The following PLA2G10 variants were observed in gnomAD, a reference collection of about 807,000 sequenced individuals.
PLA2G10 encodes the protein group 10 secretory phospholipase A2.
PLA2G10 carries 9 observed loss-of-function variants against 7.9 expected under a neutral mutation model. That is an observed-to-expected ratio of 1.14 (90% CI 0.68 to 1.98). The LOEUF (loss-of-function observed/expected upper bound fraction) is 1.98. PLA2G10 is among the 30% of genes most tolerant of loss of function. The pLI is 0.00. For missense variants in PLA2G10, 53 were observed against 65.4 expected (o/e 0.81, Z 0.66); for synonymous variants, 19 against 27.5 (o/e 0.69, Z 0.97).
chr16:14,679,262 G>A (rs1205937297), intron 3 of PLA2G10, among the ~76,000 whole-genome samples: 1 of 152,118 alleles, frequency 6.6e-6, no homozygotes, highest in Non-Finnish European at 1.5e-5. Context: ...GGCTGAGCAT[G>A]GTGGCTTAGG....
intron 3 of PLA2G10, among the ~76,000 whole-genome samples, chr16:14,673,653 G>A (rs950680544): frequency 6.6e-6 from 1 of 152,120 alleles, no homozygotes; most frequent in African/African-American, 2.4e-5. Context: ...ACAGGCACGA[G>A]CCACCACTCT....
Position 14,672,708 on chromosome 16 carries a change from C to T in PLA2G10, c.397G>A (p.Asp133Asn). 1 of 1,614,066 alleles carries T rather than the reference C, an allele frequency of 6.2e-7. No homozygotes were observed. The highest frequency in any genetic ancestry group is 1.3e-5 in the African/African-American group (1 of 75,030). The change falls in exon 4 of 4, where the codon GAC (aspartate) becomes AAC (asparagine). Residue 133 changes from aspartate to asparagine, a missense_variant. Physicochemically the swap from Asp to Asn is conservative, Grantham distance 23 (BLOSUM62 1). This residue lies in a region of PLA2G10 where 48 missense variants were observed against 47.0 expected (regional missense o/e 1.02). Coordinates refer to ENST00000438167, the MANE Select transcript of PLA2G10 (RefSeq NM_003561.3). ...GCTAAGCAGTTAGCAATCTCCTGGT[C>T]ACACTTGCACAACAGTTCTTGGCAT... Reference protein sequence around the residue: ...NKCQELLCKCDQEIANCLAQT... With the variant: ...NKCQELLCKCNQEIANCLAQT...
chr16:14,688,046 G>A (rs1327496230), intron 3 of PLA2G10, 119 bp downstream of exon 3: 2 of 551,880 alleles, frequency 3.6e-6, no homozygotes, highest in Non-Finnish European at 6.6e-6. Flanking sequence ...TACCCAAGGG[G>A]TGGTCTATAG....
At chr16:14,673,849 C>A (rs1399350313) in intron 3 of PLA2G10, among the ~76,000 whole-genome samples, 1 of 152,124 alleles carries the variant, frequency 6.6e-6, no homozygotes, top group Non-Finnish European at 1.5e-5. Context: ...TGCCCACTCT[C>A]ACCACTTCTA....
chr16:14,683,473 C>G (rs1296560630), intron 3 of PLA2G10, among the ~76,000 whole-genome samples: 3 of 151,864 alleles, frequency 2.0e-5, no homozygotes, highest in Non-Finnish European at 4.4e-5. Context: ...TGAGTTCAGG[C>G]AATCCATCCG....
intron 3 of PLA2G10, among the ~76,000 whole-genome samples, chr16:14,673,548 T>C (rs1960648114): frequency 6.6e-6 from 1 of 151,822 alleles, no homozygotes; most frequent in Non-Finnish European, 1.5e-5. Context: ...TTTTGTATTT[T>C]TAGTAGAGAT....
chr16:14,674,270 T>C (rs1394465863), intron 3 of PLA2G10, among the ~76,000 whole-genome samples: 1 of 152,228 alleles, frequency 6.6e-6, no homozygotes, highest in Non-Finnish European at 1.5e-5. Context: ...CCCATGCTCA[T>C]GGATTGGAAG....
chr16:14,673,715 A>T (rs1333781222), intron 3 of PLA2G10, among the ~76,000 whole-genome samples: 1 of 152,108 alleles, frequency 6.6e-6, no homozygotes, highest in Non-Finnish European at 1.5e-5. Flanking sequence ...TCAATATACT[A>T]GGCATAGAAG....
chr16:14,678,793 A>G, intron 3 of PLA2G10: 1 of 369,620 alleles, frequency 2.7e-6, no homozygotes, highest in South Asian at 2.1e-5. Context: ...AAATCAGGTC[A>G]TGTCCCTCCC....
rs776504101 is a variant in PLA2G10, at chr16:14,674,369, T to A, written c.356-1620A>T. Among the ~76,000 whole-genome samples the A allele has an allele frequency of 2.0e-5, 3 of 152,310 alleles. No individual in the cohort carries two copies. The South Asian group carries it at 6.2e-4, about 32-fold the overall frequency. On this transcript the variant is annotated intron_variant, in intron 3 of 3. Transcript: ENST00000438167. ...CAAAATACCAACATCATTTTTCACA[T>A]AATTAGAAGAAACAATCCTAAAATT...
intron 3 of PLA2G10, among the ~76,000 whole-genome samples, chr16:14,674,709 A>G (rs1411168426): frequency 6.6e-6 from 1 of 152,006 alleles, no homozygotes; most frequent in Non-Finnish European, 1.5e-5. Context: ...AAAAAAAAAA[A>G]GAAAAGAAGA....
chr16:14,675,896 G>A (rs934065025), intron 3 of PLA2G10, among the ~76,000 whole-genome samples: 9 of 135,642 alleles, frequency 6.6e-5, no homozygotes, highest in Non-Finnish European at 1.4e-4. Context: ...CTGAGGTTAT[G>A]TCACTGCGCT....
At chr16:14,680,101 C>CTTTTTTTTTTTTTTTT (rs34700124) in intron 3 of PLA2G10, among the ~76,000 whole-genome samples, 1 of 139,608 alleles carries the variant, frequency 7.2e-6, no homozygotes, top group Non-Finnish European at 1.5e-5. Flanking sequence ...TTTTGCTTTT[C>CTTTTTTTTTTTTTTTT]TTTTTTTTTT....
In PLA2G10 at chr16:14,686,454, T is replaced by C. The variant is rs187429144; in HGVS notation, c.355+1711A>G. 3.2e-3 allele frequency among the ~76,000 whole-genome samples: 481 copies of C among 152,236 alleles called. 1 individual carries two copies. Among genetic ancestry groups the C allele is most frequent in the Admixed American group, 7.9e-3 (120 of 15,264 alleles). On this transcript the variant is annotated intron_variant, in intron 3 of 3. Transcript: ENST00000438167. ...TGTTTTCATTGTTTTAGCTTTCTTA[T>C]TTATTTGAAGGGAAACTATAAATGG...
At chr16:14,680,101 C>CT (rs34700124) in intron 3 of PLA2G10, among the ~76,000 whole-genome samples, 39,688 of 139,524 alleles carry the variant, frequency 0.28, 6,902 homozygotes, top group Admixed American at 0.42. Context: ...TTTTGCTTTT[C>CT]TTTTTTTTTT....
At chr16:14,684,987 T>C (rs752262314) in intron 3 of PLA2G10, among the ~76,000 whole-genome samples, 6 of 152,194 alleles carry the variant, frequency 3.9e-5, no homozygotes, top group East Asian at 1.9e-4. Context: ...ATGCCCATCA[T>C]TGAATGAATG....
At chr16:14,673,143 C>T (rs976514574) in intron 3 of PLA2G10, among the ~76,000 whole-genome samples, 1 of 150,730 alleles carries the variant, frequency 6.6e-6, no homozygotes, top group Non-Finnish European at 1.5e-5. Context: ...CCTCAGCATC[C>T]CAAGTAGCTG....
chr16:14,681,079 G>T (rs1230353751), intron 3 of PLA2G10, among the ~76,000 whole-genome samples: 1 of 151,970 alleles, frequency 6.6e-6, no homozygotes, highest in Non-Finnish European at 1.5e-5. Flanking sequence ...CAGGAGAATG[G>T]CTTGAACCGG....
intron 3 of PLA2G10, among the ~76,000 whole-genome samples, chr16:14,673,406 CTG>C (rs1298931992): frequency 6.6e-6 from 1 of 151,920 alleles, no homozygotes; most frequent in Non-Finnish European, 1.5e-5. Context: ...AGGTCTGTCT[CTG>C]TCACCCAGGC....
Sources: gnomAD v4.1 joint callset for allele counts (sites outside exome capture counted in the v4.1 genomes callset) on GRCh38, gnomAD v4.1.1 for gene constraint, gnomAD v4.1.1 regional missense constraint, MANE v1.5 for transcripts, NCBI Gene and HGNC (gene_info 2026-07-23, HGNC 2026-07-21) for gene names.